Variants in PCDHAC1 observed in about 807,000 individuals in gnomAD.
The protein encoded by PCDHAC1 is protocadherin alpha subfamily C, 1, also known as protocadherin alpha-C1.
In PCDHAC1, 42 loss-of-function variants were observed where a neutral mutation model predicts 60.0. That is an observed-to-expected ratio of 0.70 (90% CI 0.55 to 0.90). The LOEUF (loss-of-function observed/expected upper bound fraction) is 0.90, where lower values mean the gene tolerates loss of function less well. PCDHAC1 is among the 40% of genes least tolerant of loss of function. The probability of loss-of-function intolerance (pLI) is 0.00; values close to 1 mark genes in which losing one functional copy is unlikely to be tolerated. For synonymous variants in PCDHAC1, 468 were observed against 499.3 expected (o/e 0.94, Z 0.84); for missense variants, 1,160 against 1,222.3 (o/e 0.95, Z 0.76).
chr5:140,972,893 A>T (rs1452751778), intron 1 of PCDHAC1, among the ~76,000 whole-genome samples: 1 of 151,858 alleles, frequency 6.6e-6, no homozygotes, highest in African/African-American at 2.4e-5. Context: ...CGATCTCTTG[A>T]CCTTGTGATC....
chr5:140,969,128 A>T (rs140518271), intron 1 of PCDHAC1: 11 of 1,614,040 alleles, frequency 6.8e-6, no homozygotes, highest in Non-Finnish European at 9.3e-6. Context: ...TGGCTCCCTC[A>T]CCAAGACCTA....
chr5:140,941,255 C>CTT (rs782490896), intron 1 of PCDHAC1, among the ~76,000 whole-genome samples: 1,945 of 44,372 alleles, frequency 0.044, 20 homozygotes, highest in African/African-American at 0.075. Flanking sequence ...TTCTTTCTTT[C>CTT]TCTTTCTTTC....
chr5:140,946,974 G>A (rs1554217987), intron 1 of PCDHAC1, among the ~76,000 whole-genome samples: 1 of 151,636 alleles, frequency 6.6e-6, no homozygotes, highest in African/African-American at 2.4e-5. Context: ...TTATAGAATA[G>A]AGGATTTTGA....
Position 140,927,811 on chromosome 5 carries a change from G to A in PCDHAC1, c.919G>A (p.Glu307Lys). 1 of 1,614,186 alleles carries A rather than the reference G, an allele frequency of 6.2e-7. No homozygotes were observed. The highest frequency in any genetic ancestry group is 8.5e-7 in the Non-Finnish European group (1 of 1,180,046). Residue 307 changes from glutamate to lysine, a missense_variant, in exon 1 of 4, where the codon GAG (glutamate) becomes AAG (lysine). Transcript: ENST00000253807. ...ACTAGGTCCGCCTGAAACGCTCTTG[G>A]AGGCATACATTGAGGCGAGGGACGA... ...ASLGPPETLL[E>K]AYIEARDEGV...
At chr5:140,999,855 G>A (rs1019104615) in intron 3 of PCDHAC1, among the ~76,000 whole-genome samples, 8 of 152,094 alleles carry the variant, frequency 5.3e-5, no homozygotes, top group Admixed American at 2.6e-4. Context: ...TATCTCTTCC[G>A]CTCCAAGATT....
rs1554204208 is a variant in PCDHAC1 at position 140,927,232 on chromosome 5, G to A, written c.340G>A (p.Val114Ile). ...PLELHKIRIH[V>I]LDTNDNSPLF... Reference sequence around the variant, plus strand: ...GGAGCTGCACAAGATTCGGATTCACGTCCTGGACACCAATGACAACTCACC... The same window carrying A: ...GGAGCTGCACAAGATTCGGATTCACATCCTGGACACCAATGACAACTCACC... The change falls in exon 1 of 4, where the codon GTC becomes ATC. Residue 114 changes from valine (V) to isoleucine (I), a missense_variant. By Grantham distance (29) the Val-to-Ile change is conservative. This residue lies in a region of PCDHAC1 where 1,113 missense variants were observed against 1,163.7 expected (regional missense o/e 0.96). Coordinates refer to ENST00000253807, the MANE Select transcript of PCDHAC1 (RefSeq NM_018898.5). The A allele has an allele frequency of 6.2e-7, 1 of 1,614,104 alleles. No homozygotes were observed. The highest frequency in any genetic ancestry group is 1.3e-5 in the African/African-American group (1 of 75,030).
intron 1 of PCDHAC1, among the ~76,000 whole-genome samples, chr5:140,931,837 G>A (rs1422066331): frequency 6.6e-6 from 1 of 151,798 alleles, no homozygotes; most frequent in Non-Finnish European, 1.5e-5. Flanking sequence ...TATCCTGAAT[G>A]CCTTAATAAC....
chr5:140,967,966 G>A, intron 1 of PCDHAC1: 1 of 1,614,214 alleles, frequency 6.2e-7, no homozygotes, highest in African/African-American at 1.3e-5. Context: ...ACCGGAAAGT[G>A]AGCCTGGGTC....
chr5:140,930,654 C>T (rs1229167848), intron 1 of PCDHAC1, among the ~76,000 whole-genome samples: 1 of 152,106 alleles, frequency 6.6e-6, no homozygotes, highest in Non-Finnish European at 1.5e-5. Context: ...ATGAAGCATT[C>T]CTTGTTTTAC....
At chr5:140,958,104 T>C (rs1554223331) in intron 1 of PCDHAC1, among the ~76,000 whole-genome samples, 1 of 151,916 alleles carries the variant, frequency 6.6e-6, no homozygotes, top group Admixed American at 6.6e-5. Flanking sequence ...GTGTGTAGAG[T>C]GTGGTTCCAT....
At chr5:140,971,527 A>G (rs116818549) in intron 1 of PCDHAC1, among the ~76,000 whole-genome samples, 2,035 of 152,284 alleles carry the variant, frequency 0.013, 20 homozygotes, top group Middle Eastern at 0.054. Context: ...CAGTTCTGAA[A>G]GTCATCATTG....
Position 140,927,024 on chromosome 5 carries a change from G to A in PCDHAC1, c.132G>A (p.Arg44=), listed in dbSNP as rs1554203920. ...VAVGNLSADL[R]LPAAAMSSRN... The stretch of plus-strand genomic sequence containing the variant: ...TAGGCAATCTCTCCGCGGACTTGAG[G>A]CTGCCAGCGGCCGCTATGTCCTCGC... The change falls in exon 1 of 4, where the codon AGG becomes AGA. Residue 44 remains arginine, a synonymous_variant. Transcript: ENST00000253807. The A allele has an allele frequency of 6.2e-7, 1 of 1,612,408 alleles. No individual in the cohort carries two copies.
intron 3 of PCDHAC1, among the ~76,000 whole-genome samples, chr5:141,003,395 T>G (rs1217089473): frequency 6.6e-6 from 1 of 152,160 alleles, no homozygotes; most frequent in Non-Finnish European, 1.5e-5. Flanking sequence ...CACTGAAACC[T>G]CCGCCTCCCG....
chr5:140,929,119 G>T lies in PCDHAC1; in HGVS notation c.2227G>T (p.Asp743Tyr), dbSNP rs2085835460. Residue 743 changes from aspartate to tyrosine, a missense_variant, in exon 1 of 4, where the codon GAT (aspartate) becomes TAT (tyrosine). Transcript: ENST00000253807. ...TCCTTGCATGACATCAGCCACCATA[G>T]ATGTCACTACAGTTGAGAGACTTTC... ...SNPCMTSATI[D>Y]VTTVERLSQT... The T allele has an allele frequency of 1.2e-6, 2 of 1,614,192 alleles. No homozygotes were observed. Among genetic ancestry groups the T allele is most frequent in the Non-Finnish European group, 1.7e-6 (2 of 1,180,034 alleles).
At chr5:140,997,720 G>C (rs973128921) in intron 3 of PCDHAC1, among the ~76,000 whole-genome samples, 1 of 151,568 alleles carries the variant, frequency 6.6e-6, no homozygotes, top group African/African-American at 2.4e-5. Flanking sequence ...ACCTTTCTAC[G>C]TCAGTACATA....
At chr5:140,962,438 G>A (rs1375451859) in intron 1 of PCDHAC1, among the ~76,000 whole-genome samples, 3 of 152,108 alleles carry the variant, frequency 2.0e-5, no homozygotes, top group Non-Finnish European at 2.9e-5. Context: ...CTTATCCAAA[G>A]ATGGCTTGAA....
chr5:140,967,056 G>A, intron 1 of PCDHAC1: 1 of 1,612,712 alleles, frequency 6.2e-7, no homozygotes, highest in Non-Finnish European at 8.5e-7. Context: ...CTGACGAGTG[G>A]AGCGCTCTTC....
Position 140,929,316 on chromosome 5 carries a change from C to A in PCDHAC1, c.2424C>A (p.Val808=). The change falls in exon 1 of 4, where the codon GTC becomes GTA. Residue 808 remains valine (V), a synonymous_variant. Transcript: ENST00000253807. ...IRNRKGDHAN[V]NAMPRQPNPD... ...ATAGGAAAGGGGATCACGCTAATGTCAATGCCATGGTAAGCAAATTTTATG... is the reference window on the plus strand; with the variant it reads ...ATAGGAAAGGGGATCACGCTAATGTAAATGCCATGGTAAGCAAATTTTATG... 1 of 1,556,954 alleles carries A rather than the reference C, an allele frequency of 6.4e-7. No homozygotes were observed. Among genetic ancestry groups the A allele is most frequent in the South Asian group, 1.2e-5 (1 of 82,882 alleles).
rs370989006 is a variant in PCDHAC1 at position 141,009,739 on chromosome 5, C to T, written c.2694C>T (p.Pro898=). The change falls in exon 4 of 4, where the codon CCC becomes CCT. Residue 898 remains proline (P), a synonymous_variant. Transcript: ENST00000253807. ...AACAATCCGGTCCCGGTGAGTTGCC[C>T]GACAAATTCATTATCCCAGGATCTC... ...NPKQSGPGEL[P]DKFIIPGSPA... is the part of the protein sequence containing the mutation. 55 of 1,614,008 alleles carry T rather than the reference C, an allele frequency of 3.4e-5. No homozygotes were observed. Among genetic ancestry groups the T allele is most frequent in the African/African-American group, 2.4e-4 (18 of 74,972 alleles).
Sources: allele counts gnomAD v4.1 joint callset (sites outside exome capture counted in the v4.1 genomes callset), GRCh38; gene constraint gnomAD v4.1.1; regional missense constraint gnomAD v4.1.1; transcripts MANE v1.5; gene names NCBI Gene and HGNC (gene_info 2026-07-23, HGNC 2026-07-21).